ABCC8: variants seen among roughly 807,000 people sequenced by gnomAD.
ABCC8 encodes ATP binding cassette subfamily C member 8.
In ABCC8, 137 loss-of-function variants were observed where a neutral mutation model predicts 188.0. The ratio of observed to expected loss-of-function variants is 0.73; its 90% CI spans 0.63 to 0.84. The LOEUF (loss-of-function observed/expected upper bound fraction) is 0.84. Ranked by LOEUF, ABCC8 falls within the 40% of genes least tolerant of loss-of-function variation. ABCC8 has a pLI of 0.00. For synonymous variants in ABCC8, 797 were observed against 846.5 expected (o/e 0.94, Z 1.01); for missense variants, 1,750 against 2,072.7 (o/e 0.84, Z 3.02).
At chr11:17,476,489 A>T in intron 1 of ABCC8, 140 bp downstream of exon 1, 1 of 1,011,250 alleles carries the variant, frequency 9.9e-7, no homozygotes, top group Non-Finnish European at 1.4e-6. Context: ...GGCGGGCAGG[A>T]CACAGGGCAG....
chr11:17,450,759 G>C (rs1956786000), intron 7 of ABCC8, among the ~76,000 whole-genome samples: 1 of 135,504 alleles, frequency 7.4e-6, no homozygotes, highest in African/African-American at 2.9e-5. Flanking sequence ...CACGATCTCA[G>C]CTCACTGCAA....
intron 10 of ABCC8, 196 bp from the exon 11 acceptor site, chr11:17,432,440 G>A (rs562751140): frequency 1.8e-5 from 22 of 1,215,710 alleles, no homozygotes; most frequent in Non-Finnish European, 2.0e-5. Context: ...TCTTGTCCCA[G>A]GTACCCCGGC....
At position 17,412,182 on chromosome 11, in the gene ABCC8, G is replaced by A. The variant is rs1305585074; in HGVS notation, c.2556+484C>T. Among the ~76,000 whole-genome samples the A allele has an allele frequency of 3.9e-5, 6 of 152,298 alleles. 1 individual carries two copies. The South Asian group carries it at 8.3e-4, about 21-fold the overall frequency. On this transcript the variant is annotated intron_variant, in intron 21 of 38. Coordinates refer to ENST00000389817, the MANE Select transcript of ABCC8 (RefSeq NM_000352.6). ...GCTGGAATAACAGGCGTGAGCCACC[G>A]CGCCTGGCCTAGTTTTATCTCATGT... is the stretch of plus-strand genomic sequence containing the variant.
At chr11:17,395,492 T>C in intron 35 of ABCC8, 118 bp downstream of exon 35, 1 of 1,473,942 alleles carries the variant, frequency 6.8e-7, no homozygotes, top group Non-Finnish European at 9.1e-7. Context: ...GAGAAGGGCA[T>C]GAGCAGGAAA....
intron 10 of ABCC8, 142 bp downstream of exon 10, chr11:17,442,578 C>G (rs894491392): frequency 2.4e-6 from 2 of 822,002 alleles, no homozygotes; most frequent in African/African-American, 3.4e-5. Flanking sequence ...GCTATCAGAG[C>G]CAGTTTGAGG....
At chr11:17,429,863 A>C (rs1955765863) in intron 12 of ABCC8, 1 of 152,106 alleles carries the variant, frequency 6.6e-6, no homozygotes, top group Admixed American at 6.5e-5. Context: ...TTAGAGCATA[A>C]TTTTGCTGAG....
chr11:17,475,104 GC>G, intron 1 of ABCC8, 77 bp from the exon 2 acceptor site: 2 of 1,589,894 alleles, frequency 1.3e-6, no homozygotes, highest in Non-Finnish European at 1.7e-6. Flanking sequence ...CCAGAAAGGT[GC>G]TTGGGCATTG....
At chr11:17,434,472 C>T (rs1955989502) in intron 10 of ABCC8, among the ~76,000 whole-genome samples, 1 of 152,206 alleles carries the variant, frequency 6.6e-6, no homozygotes, top group African/African-American at 2.4e-5. Context: ...ATGGTATTAG[C>T]TGCAGCTAAC....
At chr11:17,421,343 G>A (rs1367528107) in intron 16 of ABCC8, among the ~76,000 whole-genome samples, 2 of 152,202 alleles carry the variant, frequency 1.3e-5, no homozygotes, top group East Asian at 1.9e-4. Context: ...GAGAAGAGGG[G>A]TAGTGAAATA....
intron 2 of ABCC8, among the ~76,000 whole-genome samples, chr11:17,473,662 C>T (rs1197299793): frequency 1.3e-5 from 2 of 152,144 alleles, no homozygotes; most frequent in African/African-American, 2.4e-5. Flanking sequence ...TGGCTGCTCC[C>T]GCTCCTCTTC....
Position 17,474,866 on chromosome 11 carries a change from G to A in ABCC8, c.290+20C>T, listed in dbSNP as rs1447772934. 2 of 1,613,288 alleles carry A rather than the reference G, an allele frequency of 1.2e-6. No homozygotes were observed. The highest frequency in any genetic ancestry group is 1.7e-6 in the Non-Finnish European group (2 of 1,179,184). On this transcript the variant is annotated intron_variant, in intron 2 of 38. Coordinates refer to ENST00000389817, the MANE Select transcript of ABCC8 (RefSeq NM_000352.6). The stretch of plus-strand genomic sequence containing the variant: ...CCCTGGAGCAGATTCACTTTCCTGA[G>A]TCCTCAGACAGTCACTCACCCATCA...
chr11:17,404,373 C>CTA lies in ABCC8; in HGVS notation c.3557+137_3557+138dup. 1 of 898,092 alleles carries CTA rather than the reference C, an allele frequency of 1.1e-6. No homozygotes were observed. Among genetic ancestry groups the CTA allele is most frequent in the Non-Finnish European group, 1.8e-6 (1 of 541,470 alleles). The allele number at this position is 898,092 out of a possible 1,614,324, so 55.6% of individuals were successfully genotyped here. On this transcript the variant is annotated intron_variant, in intron 28 of 38. Coordinates refer to ENST00000389817, the MANE Select transcript of ABCC8 (RefSeq NM_000352.6). This position sits in a 1 kb window ranked among gnomAD's most constrained non-coding sequence, Gnocchi z 4.7. ...GCGGTGGAATAAGATGTGGATATTT[C>CTA]TATTTCCTTCATTTCTGTTTTTTGT...
chr11:17,448,254 T>A, intron 8 of ABCC8: 2 of 471,172 alleles, frequency 4.2e-6, no homozygotes, highest in Non-Finnish European at 7.8e-6. Context: ...CTGGCTTGAT[T>A]TTTCTATAGT....
intron 35 of ABCC8, 165 bp downstream of exon 35, chr11:17,395,445 G>T (rs760017653): frequency 1.4e-6 from 2 of 1,473,550 alleles, no homozygotes; most frequent in Non-Finnish European, 1.8e-6. Flanking sequence ...ATGGGTGGGG[G>T]ATCCCCTTCC....
At chr11:17,458,479 G>A (rs1347298881) in intron 6 of ABCC8, among the ~76,000 whole-genome samples, 6 of 152,242 alleles carry the variant, frequency 3.9e-5, no homozygotes, top group Non-Finnish European at 8.8e-5. Flanking sequence ...GAAGAAGAGC[G>A]TGGTGTGGAC....
At position 17,427,169 on chromosome 11, in the gene ABCC8, G is replaced by T; in HGVS notation, c.2117-15C>A. On this transcript the variant is annotated splice_polypyrimidine_tract_variant and intron_variant, in intron 15 of 38. Transcript: ENST00000389817. This position sits in a 1 kb window ranked among gnomAD's most constrained non-coding sequence, Gnocchi z 5.0. ...AGTCAGCTGGCCTGCAGGGAGGGAG[G>T]GTGGCAGATGTGAGTGGGGCCGGGG... 1 of 1,607,472 alleles carries T rather than the reference G, an allele frequency of 6.2e-7. No homozygotes were observed. The highest frequency in any genetic ancestry group is 8.5e-7 in the Non-Finnish European group (1 of 1,176,428).
Position 17,397,791 on chromosome 11 carries a change from T to C in ABCC8, c.3760A>G (p.Ile1254Val). Residue 1254 changes from isoleucine to valine, a missense_variant, in exon 31 of 39, where the codon ATC becomes GTC. By Grantham distance (29) the Ile-to-Val change is conservative. Coordinates refer to ENST00000389817, the MANE Select transcript of ABCC8 (RefSeq NM_000352.6). Reference protein sequence around the residue: ...NRWLEVRMEYIGACVVLIAAV... With the variant: ...NRWLEVRMEYVGACVVLIAAV... ...GCGATGAGCACCACACATGCACCGATGTACTCCTGGGGAGGGAGAGGAGCT... is the reference window on the plus strand; with the variant it reads ...GCGATGAGCACCACACATGCACCGACGTACTCCTGGGGAGGGAGAGGAGCT... 3 of 1,613,720 alleles carry C rather than the reference T, an allele frequency of 1.9e-6. No homozygotes were observed. Among genetic ancestry groups the C allele is most frequent in the Middle Eastern group, 1.6e-4 (1 of 6,062 alleles).
chr11:17,392,941 A>C lies in ABCC8; in HGVS notation c.*50T>G. 1.3e-6 allele frequency: 2 copies of C among 1,577,046 alleles called. No homozygotes were observed. Among genetic ancestry groups the C allele is most frequent in the Non-Finnish European group, 1.7e-6 (2 of 1,147,194 alleles). On this transcript the variant is annotated 3_prime_UTR_variant, in exon 39 of 39. Transcript: ENST00000389817. ...TGATTTACAGTTAGAAAACCCAGGCAGGGGTATGGGCAGGGTCCGAATGTG... is the reference window on the plus strand; with the variant it reads ...TGATTTACAGTTAGAAAACCCAGGCCGGGGTATGGGCAGGGTCCGAATGTG...
chr11:17,456,457 G>T (rs183251759), intron 6 of ABCC8, among the ~76,000 whole-genome samples: 233 of 152,264 alleles, frequency 1.5e-3, no homozygotes, highest in African/African-American at 4.7e-3. Context: ...GATTGGAAAG[G>T]TCCCCTTCAC....
Sources: allele counts gnomAD v4.1 joint callset (sites outside exome capture counted in the v4.1 genomes callset), GRCh38; gene constraint gnomAD v4.1.1; non-coding constraint Gnocchi (gnomAD v3.1); transcripts MANE v1.5; gene names NCBI Gene and HGNC (gene_info 2026-07-23, HGNC 2026-07-21).